Variants in SAGE1 observed in about 807,000 individuals in gnomAD.
SAGE1 encodes sarcoma antigen 1, also known as cancer/testis antigen 14.
SAGE1 carries 55 observed loss-of-function variants against 55.4 expected under a neutral mutation model. The ratio of observed to expected loss-of-function variants is 0.99; its 90% CI spans 0.80 to 1.24. The LOEUF is 1.24. SAGE1 is among the 50% of genes most tolerant of loss of function. The pLI, the probability that SAGE1 is intolerant of heterozygous loss-of-function variation, is 0.00. For missense variants in SAGE1, 710 were observed against 704.4 expected, an observed-to-expected ratio of 1.01 and a Z score of -0.09; for synonymous variants, 240 against 244.3, an observed-to-expected ratio of 0.98 and a Z score of 0.17.
chrX:135,911,333 G>T lies in SAGE1; in HGVS notation c.2146+1G>T, dbSNP rs2088895163. On this transcript the variant is annotated splice_donor_variant, in intron 17 of 19. Transcript: ENST00000370709. LOFTEE classifies it high-confidence loss of function. ...TCATGCAGAAGTACCAGGGATCTGTGTATGTTTGTGTATTGGTTGTACTGT... is the reference window on the plus strand; with the variant it reads ...TCATGCAGAAGTACCAGGGATCTGTTTATGTTTGTGTATTGGTTGTACTGT... 8.3e-7 allele frequency: 1 copy of T among 1,204,801 alleles called. No homozygotes were observed.
intron 2 of SAGE1, among the ~76,000 whole-genome samples, chrX:135,898,110 C>T (rs1392238335): frequency 1.8e-5 from 2 of 111,648 alleles, no homozygotes; most frequent in Non-Finnish European, 3.8e-5. Context: ...CTCCGCCTCC[C>T]GGGCTCATGC....
intron 4 of SAGE1, 39 bp downstream of exon 4, chrX:135,904,608 A>AGAG (rs202101349): frequency 1.4e-5 from 12 of 871,585 alleles, no homozygotes; most frequent in Non-Finnish European, 2.0e-5. Flanking sequence ...CATGAGTATG[A>AGAG]AATTCATCCA....
intron 3 of SAGE1, 109 bp from the exon 4 acceptor site, chrX:135,904,368 C>A (rs1433437471): frequency 1.9e-6 from 1 of 520,235 alleles, no homozygotes; most frequent in East Asian, 3.4e-5. Context: ...CTGGTATATC[C>A]TTCTTCTTTA....
rs2088743632 is a variant in SAGE1, at chrX:135,904,464, A to G, written c.221-13A>G. On this transcript the variant is annotated splice_polypyrimidine_tract_variant and intron_variant, in intron 3 of 19. Coordinates refer to ENST00000370709, the MANE Select transcript of SAGE1 (RefSeq NM_001381902.1). ...ACTTACCTCACAGCTCAACCACTTC[A>G]TTTGGTTTCCAGATGCTGCAGTCAC... 4 of 1,167,960 alleles carry G rather than the reference A, an allele frequency of 3.4e-6. No homozygotes were observed. The highest frequency in any genetic ancestry group is 2.2e-5 in the Admixed American group (1 of 44,870).
In SAGE1 at chrX:135,911,870, C is replaced by G; in HGVS notation, c.2438C>G (p.Pro813Arg). 2 of 1,210,657 alleles carry G rather than the reference C, an allele frequency of 1.7e-6. No individual in the cohort carries two copies. Among genetic ancestry groups the G allele is most frequent in the East Asian group, 3.0e-5 (1 of 33,850 alleles). Residue 813 changes from proline to arginine, a missense_variant, in exon 18 of 20, where the codon CCA (proline) becomes CGA (arginine). Physicochemically the swap from Pro to Arg is moderately radical, Grantham distance 103. Transcript: ENST00000370709. ...TTGGTGGAAACTGTGCCAAATACAC[C>G]ACAAATATCTCCTGCCATGGCAAAG... ...MSLVETVPNT[P>R]QISPAMAKKI...
chrX:135,897,094 C>G (rs1209904637), intron 2 of SAGE1, among the ~76,000 whole-genome samples: 4 of 111,757 alleles, frequency 3.6e-5, no homozygotes, highest in African/African-American at 1.3e-4. Context: ...TCTACAGTCT[C>G]TCTTTCTGTT....
intron 16 of SAGE1, 64 bp from the exon 17 acceptor site, chrX:135,911,128 A>T: frequency 8.9e-7 from 1 of 1,126,453 alleles, no homozygotes; most frequent in Non-Finnish European, 1.2e-6. Flanking sequence ...CATCAGCAGG[A>T]TATCCCTGTG....
Position 135,912,365 on chromosome X carries a change from A to T in SAGE1, c.2566A>T (p.Met856Leu). ...TTTGCTTGAAGAGGTACAAGGATCT[A>T]TGAAAGTCAAGAGACAATTTGTTGA... ...FILLEEVQGSMKVKRQFVEFT... is the reference protein window; with the variant it reads ...FILLEEVQGSLKVKRQFVEFT... Residue 856 changes from methionine (M) to leucine (L), a missense_variant, in exon 19 of 20, where the codon ATG (methionine) becomes TTG (leucine). Coordinates refer to ENST00000370709, the MANE Select transcript of SAGE1 (RefSeq NM_001381902.1). The T allele has an allele frequency of 1.7e-6, 2 of 1,204,629 alleles. No individual in the cohort carries two copies. Among genetic ancestry groups the T allele is most frequent in the Non-Finnish European group, 1.1e-6 (1 of 893,222 alleles).
At chrX:135,899,219 A>C (rs1462385718) in intron 2 of SAGE1, among the ~76,000 whole-genome samples, 1 of 111,963 alleles carries the variant, frequency 8.9e-6, no homozygotes, top group Non-Finnish European at 1.9e-5. Flanking sequence ...ACAGCTAGCC[A>C]GTTCTCCCAG....
chrX:135,910,103 G>A lies in SAGE1; in HGVS notation c.1797G>A (p.Ser599=), dbSNP rs782161726. ...NGQAASDNVF[S]TVPPAFINMA... ...AAGCAGCATCCGATAATGTCTTCTC[G>A]ACTGTTCCACCAGCATTTATTAATA... is the stretch of plus-strand genomic sequence containing the variant. The change falls in exon 15 of 20, where the codon TCG becomes TCA. Residue 599 remains serine, a synonymous_variant. Transcript: ENST00000370709. 9 of 1,203,857 alleles carry A rather than the reference G, an allele frequency of 7.5e-6. No homozygotes were observed. The highest frequency in any genetic ancestry group is 9.0e-6 in the Non-Finnish European group (8 of 890,143).
At chrX:135,907,978 C>T (rs1328918863) in intron 10 of SAGE1, 111 bp from the exon 11 acceptor site, 39 of 1,068,098 alleles carry the variant, frequency 3.7e-5, no homozygotes, top group South Asian at 3.5e-4. Flanking sequence ...CCTGGTATAT[C>T]CTAGTTCCTT....
At chrX:135,904,423 G>A (rs1253742553) in intron 3 of SAGE1, 54 bp from the exon 4 acceptor site, 4 of 751,438 alleles carry the variant, frequency 5.3e-6, no homozygotes, top group African/African-American at 2.1e-5. Flanking sequence ...GCATGCCTGT[G>A]CCATTGACAT....
At chrX:135,902,320 A>G (rs1476252110) in intron 3 of SAGE1, among the ~76,000 whole-genome samples, 3 of 111,874 alleles carry the variant, frequency 2.7e-5, no homozygotes, top group Admixed American at 1.9e-4. Flanking sequence ...TGAAATCCAG[A>G]CTCAAATACG....
In SAGE1 at chrX:135,906,506, A is replaced by C. The variant is rs782419763; in HGVS notation, c.691A>C (p.Asn231His). Residue 231 changes from asparagine (N) to histidine (H), a missense_variant, in exon 7 of 20, where the codon AAT becomes CAT. Physicochemically the swap from Asn to His is moderately conservative, Grantham distance 68 (BLOSUM62 1). Coordinates refer to ENST00000370709, the MANE Select transcript of SAGE1 (RefSeq NM_001381902.1). ...GTTGACTCTTCGACCACGGCGTATT[A>C]ATATGACAGACACTGGTATTTCACC... ...VLLTLRPRRI[N>H]MTDTGISPMS... 1.8e-5 allele frequency: 22 copies of C among 1,209,275 alleles called. No homozygotes were observed. The highest frequency in any genetic ancestry group is 2.2e-5 in the Non-Finnish European group (20 of 894,303).
Position 135,912,817 on chromosome X carries a change from A to G in SAGE1, c.2635A>G (p.Ile879Val). ...TTTCAGGTTTAAAAAAGTTGTCTTA[A>G]TTCAGCAACTCGAGAAGGCGCTTAA... ...EAARFKKVVL[I>V]QQLEKALKEI... Residue 879 changes from isoleucine (I) to valine (V), a missense_variant, in exon 20 of 20, where the codon ATT becomes GTT. Ile to Val is a conservative substitution (Grantham distance 29). Coordinates refer to ENST00000370709, the MANE Select transcript of SAGE1 (RefSeq NM_001381902.1). The G allele has an allele frequency of 8.3e-7, 1 of 1,210,120 alleles. No homozygotes were observed. The highest frequency in any genetic ancestry group is 3.0e-5 in the East Asian group (1 of 33,807).
chrX:135,904,342 G>A (rs2088740484), intron 3 of SAGE1, 135 bp from the exon 4 acceptor site: 4 of 480,315 alleles, frequency 8.3e-6, no homozygotes, highest in Non-Finnish European at 1.5e-5. Flanking sequence ...CAATTTTAGG[G>A]TTCTCAGATT....
Position 135,911,867 on chromosome X carries a change from C to T in SAGE1, c.2435C>T (p.Thr812Ile). Reference protein sequence around the residue: ...VMSLVETVPNTPQISPAMAKK... With the variant: ...VMSLVETVPNIPQISPAMAKK... ...TCTTTGGTGGAAACTGTGCCAAATA[C>T]ACCACAAATATCTCCTGCCATGGCA... The change falls in exon 18 of 20, where the codon ACA becomes ATA. Residue 812 changes from threonine to isoleucine, a missense_variant. Physicochemically the swap from Thr to Ile is moderately conservative, Grantham distance 89. Coordinates refer to ENST00000370709, the MANE Select transcript of SAGE1 (RefSeq NM_001381902.1). 8.3e-7 allele frequency: 1 copy of T among 1,210,886 alleles called. No homozygotes were observed.
chrX:135,911,140 G>A (rs2088891874), intron 16 of SAGE1, 52 bp from the exon 17 acceptor site: 2 of 1,169,905 alleles, frequency 1.7e-6, no homozygotes, highest in Admixed American at 2.2e-5. Flanking sequence ...ATCCCTGTGG[G>A]GTTGTCATTA....
intron 2 of SAGE1, among the ~76,000 whole-genome samples, chrX:135,901,220 AC>A: frequency 9.1e-6 from 1 of 110,259 alleles, no homozygotes; most frequent in African/African-American, 3.3e-5. Flanking sequence ...AAGGGCTGAG[AC>A]AAAATGATGT....
Sources: gnomAD v4.1 joint callset for allele counts (sites outside exome capture counted in the v4.1 genomes callset) on GRCh38, gnomAD v4.1.1 for gene constraint, MANE v1.5 for transcripts, NCBI Gene and HGNC (gene_info 2026-07-23, HGNC 2026-07-21) for gene names.